DPP10: variants seen among roughly 807,000 people sequenced by gnomAD.
DPP10 encodes the protein inactive dipeptidyl peptidase 10.
DPP10 carries 33 observed loss-of-function variants against 120.9 expected under a neutral mutation model. The ratio of observed to expected loss-of-function variants is 0.27; its 90% CI spans 0.21 to 0.37. DPP10 has a LOEUF of 0.37. Ranked by LOEUF, DPP10 falls within the 10% of genes least tolerant of loss-of-function variation. The probability of loss-of-function intolerance (pLI) is 1.00; values close to 1 mark genes in which losing one functional copy is unlikely to be tolerated. For missense variants in DPP10, 816 were observed against 942.8 expected, an observed-to-expected ratio of 0.87 and a Z score of 1.76; for synonymous variants, 337 against 326.1, an observed-to-expected ratio of 1.03 and a Z score of -0.36.
chr2:114,627,835 C>G (rs1010619183), intron 1 of DPP10, among the ~76,000 whole-genome samples: 7 of 152,090 alleles, frequency 4.6e-5, no homozygotes, highest in African/African-American at 1.7e-4. Flanking sequence ...GCAAGACTAT[C>G]TTGGGATTGG....
intron 1 of DPP10, among the ~76,000 whole-genome samples, chr2:114,872,270 G>A (rs551658593): frequency 1.8e-4 from 28 of 152,250 alleles, no homozygotes; most frequent in African/African-American, 6.0e-4. Context: ...CAACAGGAGA[G>A]AGAAGTGCTC....
At chr2:115,779,380 G>T (rs781291192) in intron 15 of DPP10, among the ~76,000 whole-genome samples, 65 of 152,178 alleles carry the variant, frequency 4.3e-4, no homozygotes, top group Non-Finnish European at 1.5e-5. Context: ...CCCAGAAAAT[G>T]CAATCAATGT....
chr2:114,710,434 G>A (rs886273640), intron 1 of DPP10, among the ~76,000 whole-genome samples: 1 of 152,260 alleles, frequency 6.6e-6, no homozygotes, highest in Non-Finnish European at 1.5e-5. Context: ...GCTAAGTACT[G>A]GCTAGATGCT....
At chr2:114,833,133 C>T (rs1338230915) in intron 1 of DPP10, among the ~76,000 whole-genome samples, 1 of 151,996 alleles carries the variant, frequency 6.6e-6, no homozygotes, top group Non-Finnish European at 1.5e-5. Context: ...ATGGCATTTT[C>T]ATTTGGCATA....
intron 19 of DPP10, among the ~76,000 whole-genome samples, 179 bp downstream of exon 19, chr2:115,791,535 T>A (rs1683988390): frequency 6.6e-6 from 1 of 152,202 alleles, no homozygotes; most frequent in African/African-American, 2.4e-5. Context: ...TAAAGATGTG[T>A]AAATTTTTTT....
intron 1 of DPP10, among the ~76,000 whole-genome samples, chr2:114,943,533 A>C (rs1030898014): frequency 2.6e-5 from 4 of 151,972 alleles, no homozygotes; most frequent in Non-Finnish European, 5.9e-5. Context: ...CGGCCTCCCA[A>C]AGTGTTGGGA....
chr2:114,579,617 G>A (rs1690332742), intron 1 of DPP10, among the ~76,000 whole-genome samples: 1 of 152,170 alleles, frequency 6.6e-6, no homozygotes, highest in Non-Finnish European at 1.5e-5. Flanking sequence ...CTATGCAGAA[G>A]CTCTTCTATT....
chr2:115,399,394 C>T (rs1453981675), intron 3 of DPP10, among the ~76,000 whole-genome samples: 6 of 152,006 alleles, frequency 3.9e-5, no homozygotes, highest in African/African-American at 9.7e-5. Flanking sequence ...ATAATGCGAT[C>T]GGACAACACT....
chr2:114,550,487 G>C (rs1287456124), intron 1 of DPP10, among the ~76,000 whole-genome samples: 1 of 152,208 alleles, frequency 6.6e-6, no homozygotes, highest in East Asian at 1.9e-4. Context: ...CTGGGACTTC[G>C]ACCAGACATC....
intron 5 of DPP10, among the ~76,000 whole-genome samples, chr2:115,632,773 T>C (rs972126045): frequency 6.6e-6 from 1 of 152,058 alleles, no homozygotes; most frequent in Non-Finnish European, 1.5e-5. Context: ...GGGCAAAGGA[T>C]ATGAACAGAC....
Position 115,181,392 on chromosome 2 carries a change from T to A in DPP10, c.61-127847T>A, listed in dbSNP as rs113897909. ...TTCAGGTGGCTTGGTGGGCAGTGCT[T>A]CTGGTTCAAGTGTGTTGTTTATCTT... On this transcript the variant is annotated intron_variant, in intron 1 of 25. Transcript: ENST00000410059. 4.0e-3 allele frequency among the ~76,000 whole-genome samples: 612 copies of A among 152,318 alleles called. 4 individuals carry two copies. The highest frequency in any genetic ancestry group is 0.014 in the African/African-American group (573 of 41,574).
chr2:115,302,788 A>G (rs996585739), intron 1 of DPP10, among the ~76,000 whole-genome samples: 1 of 152,094 alleles, frequency 6.6e-6, no homozygotes, highest in African/African-American at 2.4e-5. Flanking sequence ...TATAAAGAGT[A>G]TAATTTTGAA....
chr2:115,604,344 C>G (rs2083559291), intron 5 of DPP10, among the ~76,000 whole-genome samples: 2 of 152,124 alleles, frequency 1.3e-5, no homozygotes, highest in Admixed American at 1.3e-4. Flanking sequence ...AACAATAGAT[C>G]TTAAGCTTTG....
intron 5 of DPP10, among the ~76,000 whole-genome samples, chr2:115,673,138 A>T (rs2090035611): frequency 1.3e-5 from 2 of 152,028 alleles, no homozygotes; most frequent in Non-Finnish European, 2.9e-5. Flanking sequence ...TCTCTGGAAA[A>T]TTTTTTCCTC....
At chr2:115,485,119 T>C (rs182633419) in intron 3 of DPP10, among the ~76,000 whole-genome samples, 11 of 151,922 alleles carry the variant, frequency 7.2e-5, no homozygotes, top group Non-Finnish European at 1.5e-5. Context: ...CTGTTTACAG[T>C]TAGGTAAGTT....
chr2:115,068,176 C>G (rs953488552), intron 1 of DPP10, among the ~76,000 whole-genome samples: 2 of 151,958 alleles, frequency 1.3e-5, no homozygotes, highest in Non-Finnish European at 2.9e-5. Context: ...AATTTACAAT[C>G]CCACCAAGAA....
chr2:115,032,986 A>G (rs920225166), intron 1 of DPP10, among the ~76,000 whole-genome samples: 1 of 152,162 alleles, frequency 6.6e-6, no homozygotes, highest in African/African-American at 2.4e-5. Flanking sequence ...TTTAATCATA[A>G]GAATTAGTGA....
chr2:115,774,240 A>ACACACACC (rs1553505159), intron 13 of DPP10, among the ~76,000 whole-genome samples: 1 of 146,222 alleles, frequency 6.8e-6, no homozygotes, highest in African/African-American at 2.5e-5. Context: ...ACACACACAC[A>ACACACACC]CCAAAATACT....
rs1010471439 is a variant in DPP10, at chr2:115,056,811, T to C, written c.61-252428T>C. On this transcript the variant is annotated intron_variant, in intron 1 of 25. Coordinates refer to ENST00000410059, the MANE Select transcript of DPP10 (RefSeq NM_020868.6). ...GAGGAGGAGAAACAAAAGAAACAAA[T>C]ATGGGGATATCGGCTTATAGCCATG... Among the ~76,000 whole-genome samples, 6 of 152,188 alleles carry C rather than the reference T, an allele frequency of 3.9e-5. No homozygotes were observed. The South Asian group carries it at 1.2e-3, about 31-fold the overall frequency.
Sources: gnomAD v4.1 joint callset for allele counts (sites outside exome capture counted in the v4.1 genomes callset) on GRCh38, gnomAD v4.1.1 for gene constraint, MANE v1.5 for transcripts, NCBI Gene and HGNC (gene_info 2026-07-23, HGNC 2026-07-21) for gene names.